TBX19: variants seen among roughly 807,000 people sequenced by gnomAD.
The protein encoded by TBX19 is T-box transcription factor TBX19.
TBX19 carries 33 observed loss-of-function variants against 40.9 expected under a neutral mutation model. The observed-to-expected ratio is 0.81, with a 90% CI of 0.61 to 1.08. The LOEUF is 1.08. TBX19 is among the 50% of genes least tolerant of loss of function. The probability of loss-of-function intolerance (pLI) is 0.00; values close to 1 mark genes in which losing one functional copy is unlikely to be tolerated. For missense variants in TBX19, 494 were observed against 574.0 expected (o/e 0.86, Z 1.42); for synonymous variants, 220 against 225.0 (o/e 0.98, Z 0.20).
At chr1:168,287,141 T>C (rs1260403201) in intron 1 of TBX19, among the ~76,000 whole-genome samples, 1 of 152,142 alleles carries the variant, frequency 6.6e-6, no homozygotes, top group Non-Finnish European at 1.5e-5. Flanking sequence ...GTTGAGAGAG[T>C]TAAGAGGAGG....
In TBX19 at chr1:168,291,309, G is replaced by T. The variant is rs1034316614; in HGVS notation, c.353G>T (p.Ser118Ile). ...CCCGCTGGCAAGCCAGAGGTCTCCA[G>T]CCACAGCTGCGTCTACATTCACCCG... ...WVPAGKPEVS[S>I]HSCVYIHPDS... The change falls in exon 2 of 8, where the codon AGC becomes ATC. Residue 118 changes from serine to isoleucine, a missense_variant. Around this residue, in one of 3 missense-constraint regions of TBX19, gnomAD observed 201 missense variants for 235.2 expected, o/e 0.85. Coordinates refer to ENST00000367821, the MANE Select transcript of TBX19 (RefSeq NM_005149.3). 6.2e-7 allele frequency: 1 copy of T among 1,614,136 alleles called. No individual in the cohort carries two copies. The highest frequency in any genetic ancestry group is 8.5e-7 in the Non-Finnish European group (1 of 1,180,058).
chr1:168,289,860 GC>G (rs1648896180), intron 1 of TBX19, among the ~76,000 whole-genome samples: 1 of 152,172 alleles, frequency 6.6e-6, no homozygotes, highest in Non-Finnish European at 1.5e-5. Flanking sequence ...TGCCTAGCAG[GC>G]AGAAACTACT....
At chr1:168,283,084 C>T (rs1023562685) in intron 1 of TBX19, among the ~76,000 whole-genome samples, 5 of 152,204 alleles carry the variant, frequency 3.3e-5, no homozygotes, top group East Asian at 1.9e-4. Context: ...GTGGTGTGCT[C>T]CTGTTGTCCC....
rs1649560940 is a variant in TBX19, at chr1:168,312,921, A to G, written c.1266A>G (p.Thr422=). 2 of 1,614,266 alleles carry G rather than the reference A, an allele frequency of 1.2e-6. No homozygotes were observed. The highest frequency in any genetic ancestry group is 1.7e-6 in the Non-Finnish European group (2 of 1,180,046). ...SLTSIAVSTW[T]AVASHPFAGW... is the part of the protein sequence containing the mutation. ...CCAGCATTGCTGTGTCCACCTGGACAGCAGTGGCCTCGCATCCCTTCGCGG... is the reference window on the plus strand; with the variant it reads ...CCAGCATTGCTGTGTCCACCTGGACGGCAGTGGCCTCGCATCCCTTCGCGG... The change falls in exon 8 of 8, where the codon ACA becomes ACG. Residue 422 remains threonine (T), a synonymous_variant. Coordinates refer to ENST00000367821, the MANE Select transcript of TBX19 (RefSeq NM_005149.3).
At chr1:168,307,777 A>C (rs1234919831) in intron 6 of TBX19, among the ~76,000 whole-genome samples, 1 of 152,182 alleles carries the variant, frequency 6.6e-6, no homozygotes, top group African/African-American at 2.4e-5. Flanking sequence ...GTACAACATG[A>C]CGTTTTGATA....
At chr1:168,306,001 G>A (rs900534329) in intron 6 of TBX19, among the ~76,000 whole-genome samples, 21 of 152,202 alleles carry the variant, frequency 1.4e-4, no homozygotes, top group African/African-American at 4.3e-4. Context: ...TGAAAAGATT[G>A]ACAATAAAAC....
chr1:168,292,731 G>A (rs1648973029), intron 2 of TBX19, among the ~76,000 whole-genome samples: 1 of 152,042 alleles, frequency 6.6e-6, no homozygotes, highest in Non-Finnish European at 1.5e-5. Context: ...GGGCGTGGTG[G>A]CGGGCGCCTG....
At chr1:168,293,366 G>A in intron 3 of TBX19, 88 bp downstream of exon 3, 1 of 1,478,528 alleles carries the variant, frequency 6.8e-7, no homozygotes, top group Non-Finnish European at 9.1e-7. Context: ...GGGCGGGGGG[G>A]GTCCTTTTAG....
chr1:168,307,003 G>A (rs1351493901), intron 6 of TBX19, among the ~76,000 whole-genome samples: 1 of 152,124 alleles, frequency 6.6e-6, no homozygotes, highest in Non-Finnish European at 1.5e-5. Flanking sequence ...AAAAGGTGGA[G>A]GATGACATGT....
At chr1:168,296,987 C>T (rs1196193284) in intron 3 of TBX19, among the ~76,000 whole-genome samples, 1 of 152,190 alleles carries the variant, frequency 6.6e-6, no homozygotes, top group East Asian at 1.9e-4. Flanking sequence ...GGAAATACTG[C>T]AATGAATAAA....
chr1:168,289,920 A>G (rs1648897067), intron 1 of TBX19, among the ~76,000 whole-genome samples: 1 of 152,192 alleles, frequency 6.6e-6, no homozygotes, highest in Admixed American at 6.5e-5. Flanking sequence ...GAGGCCAAGC[A>G]TGGTGGCTCA....
intron 6 of TBX19, among the ~76,000 whole-genome samples, chr1:168,306,657 T>C (rs1207723759): frequency 1.3e-5 from 2 of 148,758 alleles, no homozygotes; most frequent in Admixed American, 1.3e-4. Flanking sequence ...AAGATATAGC[T>C]TCTTCCCTGG....
intron 3 of TBX19, 47 bp downstream of exon 3, chr1:168,293,325 G>GTT (rs1649000139): frequency 6.8e-7 from 1 of 1,469,210 alleles, no homozygotes; most frequent in Admixed American, 2.0e-5. Flanking sequence ...GTGTGTGTGT[G>GTT]TAACTGTCAC....
intron 4 of TBX19, among the ~76,000 whole-genome samples, chr1:168,298,633 TTTCTTTCCC>T (rs1025528829): frequency 3.3e-5 from 5 of 152,042 alleles, no homozygotes; most frequent in East Asian, 1.9e-4. Flanking sequence ...TTTTCCTTTC[TTTCTTTCCC>T]TTCTTTCCCT....
At chr1:168,298,065 G>A (rs1361783021) in intron 4 of TBX19, among the ~76,000 whole-genome samples, 2 of 152,088 alleles carry the variant, frequency 1.3e-5, no homozygotes, top group African/African-American at 2.4e-5. Flanking sequence ...GTGTGGTGGC[G>A]GGCGCCTGTA....
chr1:168,298,057 G>T (rs1383858351), intron 4 of TBX19, among the ~76,000 whole-genome samples: 1 of 152,136 alleles, frequency 6.6e-6, no homozygotes, highest in Non-Finnish European at 1.5e-5. Flanking sequence ...TTAGCCGGGT[G>T]TGGTGGCGGG....
chr1:168,312,046 G>A (rs1479482221), intron 7 of TBX19, among the ~76,000 whole-genome samples: 2 of 152,208 alleles, frequency 1.3e-5, no homozygotes, highest in Non-Finnish European at 2.9e-5. Flanking sequence ...GTAGCTCCCA[G>A]CCTTTCAGCC....
At chr1:168,293,093 C>T (rs372778960) in intron 2 of TBX19, 51 bp from the exon 3 acceptor site, 22 of 1,607,590 alleles carry the variant, frequency 1.4e-5, no homozygotes, top group African/African-American at 5.3e-5. Flanking sequence ...TTATCACCTG[C>T]GATACACGGG....
intron 2 of TBX19, among the ~76,000 whole-genome samples, 197 bp from the exon 3 acceptor site, chr1:168,292,946 CT>C (rs1648983316): frequency 6.8e-6 from 1 of 147,932 alleles, no homozygotes; most frequent in Non-Finnish European, 1.5e-5. Flanking sequence ...CAATGTTATG[CT>C]TCCTGGAGCT....
Sources: allele counts gnomAD v4.1 joint callset (sites outside exome capture counted in the v4.1 genomes callset), GRCh38; gene constraint gnomAD v4.1.1; regional missense constraint gnomAD v4.1.1; transcripts MANE v1.5; gene names NCBI Gene and HGNC (gene_info 2026-07-23, HGNC 2026-07-21).